DOCK8: variants seen among roughly 807,000 people sequenced by gnomAD.
The protein encoded by DOCK8 is dedicator of cytokinesis protein 8.
A neutral mutation model predicts 245.6 loss-of-function variants in DOCK8; 141 were observed. The observed-to-expected ratio is 0.57, with a 90% CI of 0.50 to 0.66. DOCK8 has a LOEUF of 0.66. Ranked by LOEUF, DOCK8 falls within the 30% of genes least tolerant of loss-of-function variation. DOCK8 has a pLI of 0.00. For synonymous variants in DOCK8, 1,168 were observed against 970.2 expected (o/e 1.20, Z -3.79); for missense variants, 2,965 against 2,603.4 (o/e 1.14, Z -3.02).
Position 414,879 on chromosome 9 carries a change from A to C in DOCK8, c.3628A>C (p.Lys1210Gln), listed in dbSNP as rs1254736203. 3 of 1,614,230 alleles carry C rather than the reference A, an allele frequency of 1.9e-6. No individual in the cohort carries two copies. The South Asian group carries it at 3.3e-5, about 18-fold the overall frequency. ...CTGTGTCAAACCAGAGGTGAAGGTC[A>C]AAATCGCCGCCCTTTACCTACCTTT... ...PRCVKPEVKV[K>Q]IAALYLPLVG... is the part of the protein sequence containing the mutation. Residue 1210 changes from lysine (K) to glutamine (Q), a missense_variant, in exon 29 of 48, where the codon AAA becomes CAA. Physicochemically the swap from Lys to Gln is moderately conservative, Grantham distance 53. Coordinates refer to ENST00000432829, the MANE Select transcript of DOCK8 (RefSeq NM_203447.4).
intron 22 of DOCK8, among the ~76,000 whole-genome samples, chr9:384,913 C>G (rs2053886920): frequency 6.6e-6 from 1 of 151,836 alleles, no homozygotes; most frequent in South Asian, 2.1e-4. Flanking sequence ...GAGACTACGT[C>G]TAAAAAAATA....
intron 23 of DOCK8, among the ~76,000 whole-genome samples, chr9:387,369 G>C (rs1036397692): frequency 2.0e-5 from 3 of 151,860 alleles, no homozygotes; most frequent in African/African-American, 7.3e-5. Flanking sequence ...CTTGAACACG[G>C]GAGGCAGAGG....
chr9:255,815 A>T (rs960439497), intron 1 of DOCK8, among the ~76,000 whole-genome samples: 2 of 152,162 alleles, frequency 1.3e-5, no homozygotes, highest in Non-Finnish European at 2.9e-5. Context: ...TTATACAACA[A>T]ACATAGTATT....
At chr9:234,199 T>G (rs528441559) in intron 1 of DOCK8, among the ~76,000 whole-genome samples, 7 of 152,240 alleles carry the variant, frequency 4.6e-5, no homozygotes, top group African/African-American at 1.4e-4. Flanking sequence ...GAAAATTCTT[T>G]CCTTTCAGAA....
At chr9:311,232 CT>C in intron 5 of DOCK8, among the ~76,000 whole-genome samples, 1 of 151,218 alleles carries the variant, frequency 6.6e-6, no homozygotes, top group South Asian at 2.1e-4. Flanking sequence ...TTGCAGTGAG[CT>C]GAGATGGCGC....
chr9:401,275 C>T lies in DOCK8; in HGVS notation c.3234+2016C>T, dbSNP rs189457113. Reference sequence around the variant, plus strand: ...ACCATAAAAAGCAGTGACATACAAGCTTCATTGAGCAGCACTTGGACAGGG... The same window carrying T: ...ACCATAAAAAGCAGTGACATACAAGTTTCATTGAGCAGCACTTGGACAGGG... On this transcript the variant is annotated intron_variant, in intron 26 of 47. Transcript: ENST00000432829. Among the ~76,000 whole-genome samples the T allele has an allele frequency of 4.3e-4, 66 of 152,322 alleles. No individual in the cohort carries two copies. The East Asian group carries it at 6.6e-3, about 15-fold the overall frequency.
chr9:447,003 A>T, intron 44 of DOCK8, among the ~76,000 whole-genome samples: 1 of 152,028 alleles, frequency 6.6e-6, no homozygotes, highest in Non-Finnish European at 1.5e-5. Context: ...ATTATTGGAG[A>T]CGGGACCTGC....
intron 42 of DOCK8, among the ~76,000 whole-genome samples, chr9:442,399 A>G (rs1010447092): frequency 1.3e-5 from 2 of 152,194 alleles, no homozygotes; most frequent in Non-Finnish European, 2.9e-5. Flanking sequence ...TTGACTTTGA[A>G]GTAATCTAGC....
intron 1 of DOCK8, among the ~76,000 whole-genome samples, chr9:254,066 A>T (rs1480348896): frequency 6.6e-6 from 1 of 152,206 alleles, no homozygotes; most frequent in African/African-American, 2.4e-5. Context: ...TATGTGTCTA[A>T]TATTTGGGAA....
chr9:335,452 G>T (rs1313372309), intron 11 of DOCK8, among the ~76,000 whole-genome samples: 3 of 152,140 alleles, frequency 2.0e-5, no homozygotes, highest in African/African-American at 7.2e-5. Context: ...GCAGGGAAGT[G>T]GAGGAAAGGG....
At chr9:240,730 G>A (rs2047357054) in intron 1 of DOCK8, among the ~76,000 whole-genome samples, 1 of 152,114 alleles carries the variant, frequency 6.6e-6, no homozygotes, top group Non-Finnish European at 1.5e-5. Context: ...CAGGCACTGT[G>A]TTAGACTCTG....
At chr9:267,557 C>G (rs1210873518) in intron 1 of DOCK8, among the ~76,000 whole-genome samples, 4 of 152,184 alleles carry the variant, frequency 2.6e-5, no homozygotes, top group African/African-American at 9.7e-5. Context: ...GGAGACAGAC[C>G]TGAATGAGGT....
At chr9:287,122 A>G (rs771388005) in intron 3 of DOCK8, among the ~76,000 whole-genome samples, 1 of 152,210 alleles carries the variant, frequency 6.6e-6, no homozygotes, top group South Asian at 2.1e-4. Context: ...AGCATCTACT[A>G]TGTTCTGGGT....
chr9:402,204 C>T (rs1055780929), intron 26 of DOCK8, among the ~76,000 whole-genome samples: 2 of 152,200 alleles, frequency 1.3e-5, no homozygotes, highest in African/African-American at 4.8e-5. Context: ...TTTTCTCTTT[C>T]TCTTTCCTTT....
rs1336307119 is a variant in DOCK8, at chr9:439,378, T to C, written c.5213T>C (p.Leu1738Pro). 2 of 1,612,962 alleles carry C rather than the reference T, an allele frequency of 1.2e-6. No individual in the cohort carries two copies. Among genetic ancestry groups the C allele is most frequent in the African/African-American group, 2.7e-5 (2 of 74,816 alleles). ...GGCCTCCTGGAGCAGGCCGCGGAGCTCTTCAGCACGGTCAGTGCCCAGAGG... is the reference window on the plus strand; with the variant it reads ...GGCCTCCTGGAGCAGGCCGCGGAGCCCTTCAGCACGGTCAGTGCCCAGAGG... ...LVGLLEQAAE[L>P]FSTGGLYETV... is the part of the protein sequence containing the mutation. Residue 1738 changes from leucine (L) to proline (P), a missense_variant, in exon 40 of 48, where the codon CTC becomes CCC. By Grantham distance (98) the Leu-to-Pro change is moderately conservative (BLOSUM62 -3). Transcript: ENST00000432829.
At position 440,012 on chromosome 9, in the gene DOCK8, CTT is replaced by C. The variant is rs1381386794; in HGVS notation, c.5223+625_5223+626del. 6.6e-5 allele frequency among the ~76,000 whole-genome samples: 10 copies of C among 152,196 alleles called. No individual in the cohort carries two copies. The East Asian group carries it at 1.3e-3, about 21-fold the overall frequency. ...AGATTCAGGGCAAAGAGGAAACACT[CTT>C]GTCTATTTTCTTTTCTTTTTTTGAG... On this transcript the variant is annotated intron_variant, in intron 40 of 47. Coordinates refer to ENST00000432829, the MANE Select transcript of DOCK8 (RefSeq NM_203447.4).
chr9:457,576 T>G (rs1251442111), intron 46 of DOCK8, among the ~76,000 whole-genome samples: 1 of 152,200 alleles, frequency 6.6e-6, no homozygotes, highest in African/African-American at 2.4e-5. Context: ...GTGATGCTGA[T>G]GAGACATTGG....
At chr9:311,354 C>G (rs1299730971) in intron 5 of DOCK8, among the ~76,000 whole-genome samples, 1 of 150,964 alleles carries the variant, frequency 6.6e-6, no homozygotes, top group African/African-American at 2.4e-5. Flanking sequence ...AAGCAGTCTT[C>G]CTACCTAAAC....
intron 1 of DOCK8, among the ~76,000 whole-genome samples, chr9:233,644 T>C (rs1345280692): frequency 6.6e-6 from 1 of 152,182 alleles, no homozygotes; most frequent in Non-Finnish European, 1.5e-5. Flanking sequence ...CCCTTTACCA[T>C]TATGTAATGG....
Sources: allele counts gnomAD v4.1 joint callset (sites outside exome capture counted in the v4.1 genomes callset), GRCh38; gene constraint gnomAD v4.1.1; transcripts MANE v1.5; gene names NCBI Gene and HGNC (gene_info 2026-07-23, HGNC 2026-07-21).